Variants in CPO observed in about 807,000 individuals in gnomAD.
CPO encodes the protein metallocarboxypeptidase C.
CPO carries 43 observed loss-of-function variants against 41.2 expected under a neutral mutation model. That is an observed-to-expected ratio of 1.04 (90% confidence interval 0.82 to 1.35). The LOEUF (loss-of-function observed/expected upper bound fraction) is 1.35, where lower values mean the gene tolerates loss of function less well. Ranked by LOEUF, CPO falls within the 40% of genes most tolerant of loss-of-function variation. The probability of loss-of-function intolerance (pLI) is 0.00; values close to 1 mark genes in which losing one functional copy is unlikely to be tolerated. For synonymous variants in CPO, 178 were observed against 162.7 expected, an observed-to-expected ratio of 1.09 and a Z score of -0.72; for missense variants, 408 against 451.7, an observed-to-expected ratio of 0.90 and a Z score of 0.88.
chr2:206,949,765 G>A lies in CPO; in HGVS notation c.165+52G>A, dbSNP rs1286870622. On this transcript the variant is annotated intron_variant, in intron 2 of 8. Transcript: ENST00000272852. ...TGGTGGTTGTCACAACCTACTTTAGGATGGGCAAAGAATGGTTCACTAGTA... is the reference window on the plus strand; with the variant it reads ...TGGTGGTTGTCACAACCTACTTTAGAATGGGCAAAGAATGGTTCACTAGTA... 2.6e-6 allele frequency: 3 copies of A among 1,151,850 alleles called. No individual in the cohort carries two copies. In the African/African-American group the frequency reaches 4.6e-5, roughly 18 times the overall value. 71.4% of individuals were successfully genotyped at this position (1,151,850 alleles called of 1,614,324 possible).
chr2:206,949,181 G>A (rs547043959), intron 1 of CPO, among the ~76,000 whole-genome samples: 2 of 152,094 alleles, frequency 1.3e-5, no homozygotes, highest in South Asian at 4.2e-4. Flanking sequence ...ACACTTCCCT[G>A]TGATTCAGTT....
At chr2:206,942,061 A>C (rs1454917664) in intron 1 of CPO, among the ~76,000 whole-genome samples, 1 of 152,142 alleles carries the variant, frequency 6.6e-6, no homozygotes, top group Non-Finnish European at 1.5e-5. Flanking sequence ...TAAAAACCAA[A>C]AGGGACATAG....
At chr2:206,947,893 T>G (rs369716533) in intron 1 of CPO, among the ~76,000 whole-genome samples, 6 of 152,286 alleles carry the variant, frequency 3.9e-5, no homozygotes, top group African/African-American at 1.4e-4. Context: ...TCACACCTAT[T>G]AGAATGTCCA....
rs79923181 is a variant in CPO at position 206,958,263 on chromosome 2, G to C, written c.268-38G>C. On this transcript the variant is annotated intron_variant, in intron 3 of 8. Coordinates refer to ENST00000272852, the MANE Select transcript of CPO (RefSeq NM_173077.3). The stretch of plus-strand genomic sequence containing the variant: ...TTTGCACAGTGGCTTACAATAATCA[G>C]CAATTGTTTAGTAATGGGGCATGGA... 9.2e-5 allele frequency: 101 copies of C among 1,100,842 alleles called. No homozygotes were observed. The East Asian group carries it at 2.6e-3, about 28-fold the overall frequency. The allele number at this position is 1,100,842 out of a possible 1,614,324, so 68.2% of individuals were successfully genotyped here.
intron 2 of CPO, among the ~76,000 whole-genome samples, chr2:206,952,751 C>T (rs989261079): frequency 1.3e-5 from 2 of 152,084 alleles, no homozygotes; most frequent in African/African-American, 4.8e-5. Context: ...AATCTTGGAA[C>T]CATGGTGTAT....
intron 7 of CPO, 73 bp from the exon 8 acceptor site, chr2:206,968,190 A>G (rs1372698648): frequency 6.5e-6 from 7 of 1,075,522 alleles, no homozygotes; most frequent in African/African-American, 4.7e-5. Flanking sequence ...GAATCTGGAC[A>G]AAACACCAAA....
intron 1 of CPO, among the ~76,000 whole-genome samples, chr2:206,945,515 T>G (rs1243080433): frequency 6.6e-6 from 1 of 152,234 alleles, no homozygotes; most frequent in Non-Finnish European, 1.5e-5. Context: ...GAATATTCGC[T>G]GTATGACTTA....
intron 2 of CPO, among the ~76,000 whole-genome samples, chr2:206,951,303 A>G (rs183888917): frequency 1.5e-3 from 225 of 152,326 alleles, no homozygotes; most frequent in African/African-American, 5.1e-3. Context: ...TGCTATTAAG[A>G]TAAGTTTGGT....
At chr2:206,955,208 G>A (rs185914604) in intron 2 of CPO, among the ~76,000 whole-genome samples, 1 of 152,300 alleles carries the variant, frequency 6.6e-6, no homozygotes, top group Non-Finnish European at 1.5e-5. Flanking sequence ...TGTTACTGGT[G>A]GGTTATTCAA....
intron 3 of CPO, among the ~76,000 whole-genome samples, chr2:206,956,449 G>T (rs964463464): frequency 2.6e-5 from 4 of 151,972 alleles, no homozygotes; most frequent in Non-Finnish European, 4.4e-5. Flanking sequence ...CCACCTGAGG[G>T]CTTGTTACAA....
chr2:206,959,448 G>A (rs1359186443), intron 4 of CPO, among the ~76,000 whole-genome samples, 183 bp from the exon 5 acceptor site: 1 of 152,146 alleles, frequency 6.6e-6, no homozygotes, highest in East Asian at 1.9e-4. Context: ...AGGTCCCTCA[G>A]TGATTCTGAT....
chr2:206,939,950 A>G (rs913241941), intron 1 of CPO, among the ~76,000 whole-genome samples: 2 of 152,144 alleles, frequency 1.3e-5, no homozygotes, highest in African/African-American at 4.8e-5. Flanking sequence ...AGAAAATTGT[A>G]ATACAAATTC....
At chr2:206,960,368 C>T (rs576438065) in intron 5 of CPO, among the ~76,000 whole-genome samples, 91 of 152,300 alleles carry the variant, frequency 6.0e-4, no homozygotes, top group Admixed American at 2.5e-3. Context: ...AGTTTTCCCT[C>T]TGAGCTTGTC....
intron 7 of CPO, among the ~76,000 whole-genome samples, chr2:206,965,712 G>A (rs1693560815): frequency 6.6e-6 from 1 of 152,020 alleles, no homozygotes; most frequent in African/African-American, 2.4e-5. Flanking sequence ...ATGCTTACAG[G>A]AAATTCTCTG....
At chr2:206,957,707 G>A (rs1045658811) in intron 3 of CPO, among the ~76,000 whole-genome samples, 2 of 152,162 alleles carry the variant, frequency 1.3e-5, no homozygotes, top group African/African-American at 4.8e-5. Flanking sequence ...CTCTGAAAGA[G>A]GGGAATCTTC....
chr2:206,956,610 CA>C (rs999550892), intron 3 of CPO, among the ~76,000 whole-genome samples: 7 of 152,148 alleles, frequency 4.6e-5, no homozygotes, highest in African/African-American at 1.7e-4. Flanking sequence ...TGATCATAGC[CA>C]AAAGGCTGAG....
At chr2:206,965,248 A>G (rs1012647821) in intron 7 of CPO, among the ~76,000 whole-genome samples, 4 of 152,150 alleles carry the variant, frequency 2.6e-5, no homozygotes, top group South Asian at 4.1e-4. Context: ...GACTGTGAAT[A>G]TTTTACTACC....
intron 7 of CPO, among the ~76,000 whole-genome samples, chr2:206,964,459 T>G (rs1293666233): frequency 6.6e-6 from 1 of 152,202 alleles, no homozygotes; most frequent in African/African-American, 2.4e-5. Flanking sequence ...TGAGTTAACT[T>G]TATCATCAGA....
chr2:206,966,141 C>T (rs1693570945), intron 7 of CPO, among the ~76,000 whole-genome samples: 1 of 151,000 alleles, frequency 6.6e-6, no homozygotes, highest in Non-Finnish European at 1.5e-5. Flanking sequence ...TCCTACCCCA[C>T]AGCCAGGATT....
Sources: allele counts gnomAD v4.1 joint callset (sites outside exome capture counted in the v4.1 genomes callset), GRCh38; gene constraint gnomAD v4.1.1; transcripts MANE v1.5; gene names NCBI Gene and HGNC (gene_info 2026-07-23, HGNC 2026-07-21).